Variants in NREP observed in about 807,000 individuals in gnomAD.
NREP encodes the protein neuronal regeneration-related protein.
In NREP, 5 loss-of-function variants were observed where a neutral mutation model predicts 8.6. The ratio of observed to expected loss-of-function variants is 0.58; its 90% CI spans 0.30 to 1.22. The LOEUF (loss-of-function observed/expected upper bound fraction) is 1.22, where lower values mean the gene tolerates loss of function less well. Among genes scored for constraint, NREP ranks in the 50% most tolerant of loss-of-function variants. The probability of loss-of-function intolerance (pLI) is 0.07; values close to 1 mark genes in which losing one functional copy is unlikely to be tolerated. For synonymous variants in NREP, 27 were observed against 28.0 expected (o/e 0.96, Z 0.11); for missense variants, 86 against 82.5 (o/e 1.04, Z -0.17).
At chr5:111,763,474 T>G (rs751443466) in intron 2 of NREP, among the ~76,000 whole-genome samples, 119 of 152,176 alleles carry the variant, frequency 7.8e-4, no homozygotes, top group Non-Finnish European at 1.3e-3. Context: ...CTGGAAATAA[T>G]TGTAAATCCC....
intron 2 of NREP, among the ~76,000 whole-genome samples, chr5:111,772,717 T>C (rs1047417526): frequency 3.3e-5 from 5 of 152,010 alleles, no homozygotes; most frequent in African/African-American, 9.7e-5. Context: ...GAAAGCAGCA[T>C]GTTTCCCATG....
intron 2 of NREP, among the ~76,000 whole-genome samples, chr5:111,828,346 G>T (rs1264556446): frequency 6.6e-6 from 1 of 152,104 alleles, no homozygotes; most frequent in Non-Finnish European, 1.5e-5. Context: ...TGTTTTCTAG[G>T]CAATAGGTGA....
At chr5:111,884,648 TG>T (rs919920507) in intron 2 of NREP, among the ~76,000 whole-genome samples, 2 of 152,202 alleles carry the variant, frequency 1.3e-5, no homozygotes, top group Admixed American at 6.5e-5. Flanking sequence ...GCTTCATCCC[TG>T]GGATGCAAGG....
At chr5:111,907,716 C>T (rs1460238891) in intron 2 of NREP, among the ~76,000 whole-genome samples, 1 of 151,986 alleles carries the variant, frequency 6.6e-6, no homozygotes, top group East Asian at 1.9e-4. Flanking sequence ...GTTCCTAACC[C>T]TCAAGACTAT....
chr5:111,922,074 A>G (rs1755255349), intron 2 of NREP, among the ~76,000 whole-genome samples: 1 of 152,164 alleles, frequency 6.6e-6, no homozygotes, highest in Non-Finnish European at 1.5e-5. Context: ...ACAATTGGTA[A>G]GAAAAGATCA....
At chr5:111,850,932 A>G (rs578075678) in intron 2 of NREP, among the ~76,000 whole-genome samples, 247 of 152,242 alleles carry the variant, frequency 1.6e-3, no homozygotes, top group African/African-American at 5.9e-3. Flanking sequence ...TCTGTAGCAA[A>G]TTTTTTACCA....
At chr5:111,957,622 A>G (rs1451270905) in intron 2 of NREP, among the ~76,000 whole-genome samples, 3 of 151,888 alleles carry the variant, frequency 2.0e-5, no homozygotes, top group African/African-American at 7.2e-5. Context: ...TTTATAATCC[A>G]TTTTCACTTA....
At chr5:111,960,333 T>C (rs1329523131) in intron 2 of NREP, among the ~76,000 whole-genome samples, 1 of 152,216 alleles carries the variant, frequency 6.6e-6, no homozygotes, top group African/African-American at 2.4e-5. Flanking sequence ...ATTGATCCTT[T>C]AAAATGGCAT....
chr5:111,894,711 C>G (rs1754467720), intron 2 of NREP, among the ~76,000 whole-genome samples: 1 of 152,160 alleles, frequency 6.6e-6, no homozygotes, highest in Non-Finnish European at 1.5e-5. Context: ...ATGAATTTTA[C>G]TTACAGGCAA....
At chr5:111,880,481 C>T (rs895514639) in intron 2 of NREP, among the ~76,000 whole-genome samples, 1 of 152,146 alleles carries the variant, frequency 6.6e-6, no homozygotes, top group Non-Finnish European at 1.5e-5. Flanking sequence ...GGCTACTTCT[C>T]ATTGTGTTCT....
intron 2 of NREP, among the ~76,000 whole-genome samples, chr5:111,859,887 T>C (rs1248362855): frequency 1.3e-5 from 2 of 152,112 alleles, no homozygotes; most frequent in East Asian, 1.9e-4. Context: ...ACAGGTCATG[T>C]CATATATTTT....
intron 2 of NREP, among the ~76,000 whole-genome samples, chr5:111,798,366 A>G (rs1030617186): frequency 2.0e-5 from 3 of 151,992 alleles, no homozygotes; most frequent in Non-Finnish European, 4.4e-5. Flanking sequence ...TTTTTTAATT[A>G]GTTTTTATTT....
intron 2 of NREP, among the ~76,000 whole-genome samples, chr5:111,788,517 G>C (rs558745868): frequency 6.6e-6 from 1 of 152,288 alleles, no homozygotes; most frequent in African/African-American, 2.4e-5. Flanking sequence ...GCCAGAGCAT[G>C]AAGTCAGAAC....
intron 2 of NREP, among the ~76,000 whole-genome samples, chr5:111,892,501 C>G (rs765475164): frequency 1.3e-5 from 2 of 151,920 alleles, no homozygotes; most frequent in African/African-American, 4.8e-5. Context: ...ATCATCTAAA[C>G]AATTTTATTT....
At chr5:111,918,263 T>C (rs953127472) in intron 2 of NREP, among the ~76,000 whole-genome samples, 1 of 152,124 alleles carries the variant, frequency 6.6e-6, no homozygotes, top group Non-Finnish European at 1.5e-5. Context: ...ATCAATACTG[T>C]GAAAATGGCC....
At chr5:111,975,285 C>T in exon 2 of NREP, 2 of 1,550,902 alleles carry the variant, frequency 1.3e-6, no homozygotes, top group Admixed American at 3.9e-5. Context: ...CAATTCAGAA[C>T]AGAAATCTGG....
At chr5:111,869,832 C>T (rs185394924) in intron 2 of NREP, among the ~76,000 whole-genome samples, 250 of 152,260 alleles carry the variant, frequency 1.6e-3, no homozygotes, top group African/African-American at 5.9e-3. Flanking sequence ...GAGGAGGGAC[C>T]AGCCTAAAGT....
chr5:111,936,007 C>A lies in NREP; in HGVS notation c.135+39267G>T, dbSNP rs144706794. Among the ~76,000 whole-genome samples the A allele has an allele frequency of 1.5e-3, 235 of 152,218 alleles. 1 individual carries two copies. The highest frequency in any genetic ancestry group is 5.1e-3 in the African/African-American group (212 of 41,566). ...GCCTCTTCCTAGCTTCTTATGGTTG[C>A]TGGGATCCTCGGTGCCCCATGGCTT... On this transcript the variant is annotated intron_variant, in intron 2 of 3. Transcript: ENST00000395634.
At chr5:111,932,823 G>GC (rs1440835766) in intron 2 of NREP, among the ~76,000 whole-genome samples, 1 of 152,006 alleles carries the variant, frequency 6.6e-6, no homozygotes, top group Non-Finnish European at 1.5e-5. Flanking sequence ...TAGTGCCTTG[G>GC]CAACAGAATC....
Sources: allele counts gnomAD v4.1 joint callset (sites outside exome capture counted in the v4.1 genomes callset), GRCh38; gene constraint gnomAD v4.1.1; transcripts MANE v1.5; gene names NCBI Gene and HGNC (gene_info 2026-07-23, HGNC 2026-07-21).